The following ZNF536 variants were observed in gnomAD, a reference collection of about 807,000 sequenced individuals.
ZNF536 encodes zinc finger protein 536.
ZNF536 carries 13 observed loss-of-function variants against 84.5 expected under a neutral mutation model. The ratio of observed to expected loss-of-function variants is 0.15; its 90% CI spans 0.10 to 0.24. ZNF536 has a LOEUF of 0.24. ZNF536 is among the 10% of genes least tolerant of loss of function. ZNF536 has a pLI of 1.00. For missense variants in ZNF536, 1,536 were observed against 1,747.5 expected (o/e 0.88, Z 2.16); for synonymous variants, 811 against 742.5 (o/e 1.09, Z -1.50).
At chr19:30,482,362 G>GT (rs1434664364) in intron 2 of ZNF536, among the ~76,000 whole-genome samples, 2 of 152,194 alleles carry the variant, frequency 1.3e-5, no homozygotes, top group African/African-American at 4.8e-5. Context: ...GTTCTGAAAT[G>GT]TTAAGTAACT....
At position 30,549,417 on chromosome 19, in the gene ZNF536, G is replaced by A. The variant is rs767947085; in HGVS notation, c.3798G>A (p.Ser1266=). 23 of 1,586,550 alleles carry A rather than the reference G, an allele frequency of 1.4e-5. No homozygotes were observed. The highest frequency in any genetic ancestry group is 4.0e-5 in the African/African-American group (3 of 74,214). Residue 1266 remains serine, a synonymous_variant, in exon 4 of 5, where the codon TCG becomes TCA. Transcript: ENST00000355537. ...QSLDKPMNML[S]VLRAYSSDGL... ...TGGACAAGCCGATGAACATGCTGTC[G>A]GTCCTCAGGGCCTACAGTTCTGATG...
At chr19:30,467,439 G>A (rs933359206) in intron 2 of ZNF536, among the ~76,000 whole-genome samples, 61 of 152,326 alleles carry the variant, frequency 4.0e-4, no homozygotes, top group African/African-American at 1.4e-3. Flanking sequence ...TGCAGCCTGT[G>A]ACAGATTTCC....
At chr19:30,325,712 G>C (rs1056307068) in intron 2 of ZNF536, among the ~76,000 whole-genome samples, 2 of 152,168 alleles carry the variant, frequency 1.3e-5, no homozygotes, top group Admixed American at 6.5e-5. Context: ...TCCAATCTGT[G>C]GACCATGACC....
At chr19:30,695,485 G>T (rs1568680277) in intron 1 of ZNF536, among the ~76,000 whole-genome samples, 1 of 152,182 alleles carries the variant, frequency 6.6e-6, no homozygotes, top group Admixed American at 6.5e-5. Context: ...TGCAGACTGG[G>T]TCCTGAGAAC....
chr19:30,686,449 CA>C (rs2051186404), intron 1 of ZNF536, among the ~76,000 whole-genome samples: 1 of 152,208 alleles, frequency 6.6e-6, no homozygotes, highest in Admixed American at 6.5e-5. Context: ...TGTGCACACC[CA>C]GGGGCACTGA....
chr19:30,464,101 C>A (rs778511978), intron 2 of ZNF536, among the ~76,000 whole-genome samples: 1 of 152,226 alleles, frequency 6.6e-6, no homozygotes, highest in East Asian at 1.9e-4. Flanking sequence ...CCTTCAACTG[C>A]GGTCACTGCC....
rs34574367 is a variant in ZNF536, at chr19:30,503,159, G to GCACA, written c.2171-31666_2171-31663dup. 4.1e-3 allele frequency among the ~76,000 whole-genome samples: 604 copies of GCACA among 148,532 alleles called. 4 individuals carry two copies. Among genetic ancestry groups the GCACA allele is most frequent in the African/African-American group, 0.013 (541 of 40,454 alleles). ...ATATTTCTAAGCAGCATGTGTGTATGCACACACACACACACACACACACAC... is the reference window on the plus strand; with the variant it reads ...ATATTTCTAAGCAGCATGTGTGTATGCACACACACACACACACACACACACACAC... On this transcript the variant is annotated intron_variant, in intron 2 of 4. Transcript: ENST00000355537.
intron 1 of ZNF536, among the ~76,000 whole-genome samples, chr19:30,275,264 A>G (rs1726899480): frequency 6.6e-6 from 1 of 152,186 alleles, no homozygotes. Context: ...CTGCCCTTGT[A>G]GAAAATGCCT....
intron 1 of ZNF536, among the ~76,000 whole-genome samples, chr19:30,380,307 C>G (rs544406945): frequency 6.6e-6 from 1 of 152,258 alleles, no homozygotes; most frequent in East Asian, 1.9e-4. Flanking sequence ...GAAATTCACA[C>G]ATGGGGTTAA....
At chr19:30,367,128 C>A (rs994159623) in intron 3 of ZNF536, among the ~76,000 whole-genome samples, 1 of 152,198 alleles carries the variant, frequency 6.6e-6, no homozygotes, top group Non-Finnish European at 1.5e-5. Flanking sequence ...GGGGCAGTGG[C>A]CCCTTTTCCA....
At chr19:30,307,249 C>A (rs552859687) in intron 2 of ZNF536, among the ~76,000 whole-genome samples, 4 of 152,002 alleles carry the variant, frequency 2.6e-5, no homozygotes, top group East Asian at 1.9e-4. Context: ...TACCTCCCCC[C>A]CCTTTTTTGA....
intron 2 of ZNF536, among the ~76,000 whole-genome samples, chr19:30,467,052 G>T (rs1247900452): frequency 2.6e-5 from 4 of 152,136 alleles, no homozygotes; most frequent in East Asian, 1.9e-4. Flanking sequence ...TGTTGGCCAG[G>T]CTGGTCTCGA....
chr19:30,438,911 G>T (rs910854922), intron 1 of ZNF536, among the ~76,000 whole-genome samples: 1 of 152,002 alleles, frequency 6.6e-6, no homozygotes, highest in Non-Finnish European at 1.5e-5. Context: ...AAACTCCTGG[G>T]GCTCAGCCTC....
At chr19:30,354,372 T>A (rs2048028748) in intron 3 of ZNF536, among the ~76,000 whole-genome samples, 1 of 152,210 alleles carries the variant, frequency 6.6e-6, no homozygotes, top group Admixed American at 6.5e-5. Flanking sequence ...TTTATTGATG[T>A]ATTTATTTTC....
chr19:30,509,451 T>C (rs1482791717), intron 2 of ZNF536, among the ~76,000 whole-genome samples: 3 of 148,142 alleles, frequency 2.0e-5, no homozygotes, highest in East Asian at 1.9e-4. Flanking sequence ...TAGTATATAA[T>C]TTATATATAA....
At chr19:30,476,822 C>A (rs934091836) in intron 2 of ZNF536, among the ~76,000 whole-genome samples, 1 of 152,218 alleles carries the variant, frequency 6.6e-6, no homozygotes, top group South Asian at 2.1e-4. Context: ...TCCGGTCTCA[C>A]TGGGCCTGCC....
At chr19:30,558,421 C>T (rs538116284), downstream of ZNF536, among the ~76,000 whole-genome samples, 50 of 152,128 alleles carry the variant, frequency 3.3e-4, no homozygotes, top group Non-Finnish European at 6.6e-4. Context: ...TACTTGGGCA[C>T]GGAGTATGCC....
chr19:30,333,738 G>A (rs748334439), intron 2 of ZNF536, among the ~76,000 whole-genome samples: 1 of 152,106 alleles, frequency 6.6e-6, no homozygotes, highest in Non-Finnish European at 1.5e-5. Flanking sequence ...TGCACCAGCC[G>A]GACCCCACGG....
chr19:30,514,524 T>G (rs1282934401), intron 2 of ZNF536, among the ~76,000 whole-genome samples: 4 of 151,394 alleles, frequency 2.6e-5, no homozygotes, highest in Non-Finnish European at 5.9e-5. Flanking sequence ...AGTAGAAGAG[T>G]GACCAGTAGA....
Sources: allele counts gnomAD v4.1 joint callset (sites outside exome capture counted in the v4.1 genomes callset), GRCh38; gene constraint gnomAD v4.1.1; transcripts MANE v1.5; gene names NCBI Gene and HGNC (gene_info 2026-07-23, HGNC 2026-07-21).